Variants in BNC2 observed in about 807,000 individuals in gnomAD.
BNC2 encodes the protein basonuclin zinc finger protein 2.
A neutral mutation model predicts 76.3 loss-of-function variants in BNC2; 20 were observed. The observed-to-expected ratio is 0.26, with a 90% CI of 0.18 to 0.38. The LOEUF (loss-of-function observed/expected upper bound fraction) is 0.38, where lower values mean the gene tolerates loss of function less well. Among genes scored for constraint, BNC2 ranks in the 10% least tolerant of loss-of-function variants. The probability of loss-of-function intolerance (pLI) is 1.00; values close to 1 mark genes in which losing one functional copy is unlikely to be tolerated. For synonymous variants in BNC2, 582 were observed against 514.8 expected, an observed-to-expected ratio of 1.13 and a Z score of -1.77; for missense variants, 1,382 against 1,399.8, an observed-to-expected ratio of 0.99 and a Z score of 0.20.
chr9:16,717,192 C>T (rs1408003519), intron 3 of BNC2, among the ~76,000 whole-genome samples: 1 of 152,138 alleles, frequency 6.6e-6, no homozygotes, highest in Non-Finnish European at 1.5e-5. Context: ...TTTCTTCAAA[C>T]CATTTCTTAC....
intron 3 of BNC2, 148 bp from the exon 4 acceptor site, chr9:16,583,233 A>G: frequency 1.5e-6 from 1 of 681,292 alleles, no homozygotes; most frequent in Non-Finnish European, 2.5e-6. Context: ...TTTAGATATC[A>G]CCAAAATCTC....
intron 1 of BNC2, among the ~76,000 whole-genome samples, chr9:16,750,273 G>A (rs796846197): frequency 2.0e-4 from 30 of 152,264 alleles, no homozygotes; most frequent in African/African-American, 7.2e-4. Context: ...ACCAATACAT[G>A]TACTATACAG....
At chr9:16,749,765 ATTAT>A (rs769401713) in intron 1 of BNC2, among the ~76,000 whole-genome samples, 1 of 152,144 alleles carries the variant, frequency 6.6e-6, no homozygotes, top group Non-Finnish European at 1.5e-5. Context: ...GATGAAAGAT[ATTAT>A]TTAATAAGAC....
intron 5 of BNC2, among the ~76,000 whole-genome samples, chr9:16,486,697 A>C (rs553020201): frequency 2.6e-5 from 4 of 152,292 alleles, no homozygotes; most frequent in South Asian, 2.1e-4. Context: ...GCAAATTATT[A>C]AACTGTAGCA....
chr9:16,828,234 A>C (rs1376904650), intron 1 of BNC2, among the ~76,000 whole-genome samples: 1 of 152,266 alleles, frequency 6.6e-6, no homozygotes, highest in Non-Finnish European at 1.5e-5. Flanking sequence ...GCCCAAAAAA[A>C]AATCACAGGT....
rs375894546 is a variant in BNC2 at position 16,436,777 on chromosome 9, T to A, written c.1417A>T (p.Ile473Phe). Reference sequence around the variant, plus strand: ...CTAAAGACCATGTTGCAACCTTCAATGGTGCATCGATGTTTGATCTTCAGG... The same window carrying A: ...CTAAAGACCATGTTGCAACCTTCAAAGGTGCATCGATGTTTGATCTTCAGG... ...VHLKIKHRCT[I>F]EGCNMVFSSL... is the part of the protein sequence containing the mutation. Residue 473 changes from isoleucine to phenylalanine, a missense_variant, in exon 6 of 7, where the codon ATT becomes TTT. Physicochemically the swap from Ile to Phe is conservative, Grantham distance 21 (BLOSUM62 0). Coordinates refer to ENST00000380672, the MANE Select transcript of BNC2 (RefSeq NM_017637.6). The A allele has an allele frequency of 6.2e-7, 1 of 1,614,202 alleles. No individual in the cohort carries two copies.
chr9:16,686,551 C>A (rs1822984439), intron 3 of BNC2, among the ~76,000 whole-genome samples: 1 of 152,198 alleles, frequency 6.6e-6, no homozygotes, highest in South Asian at 2.1e-4. Context: ...AACTAAGCAT[C>A]ATCTCACCTT....
intron 3 of BNC2, among the ~76,000 whole-genome samples, chr9:16,671,477 C>T (rs1822476042): frequency 6.6e-6 from 1 of 152,176 alleles, no homozygotes; most frequent in African/African-American, 2.4e-5. Context: ...GAGACAATCT[C>T]TGTACAGTGC....
chr9:16,744,011 G>GCTGGAGTGAA (rs1186216480), intron 1 of BNC2, among the ~76,000 whole-genome samples: 25 of 152,020 alleles, frequency 1.6e-4, no homozygotes, highest in Non-Finnish European at 3.2e-4. Flanking sequence ...CTGTCACCCA[G>GCTGGAGTGAA]GCTGGAGTGC....
intron 3 of BNC2, among the ~76,000 whole-genome samples, chr9:16,683,106 GA>G (rs1822872391): frequency 6.6e-6 from 1 of 152,172 alleles, no homozygotes; most frequent in South Asian, 2.1e-4. Context: ...AACCACAGCA[GA>G]AGTCCTTGCA....
At position 16,459,778 on chromosome 9, in the gene BNC2, C is replaced by G. The variant is rs1027190072; in HGVS notation, c.670-22254G>C. Among the ~76,000 whole-genome samples the G allele has an allele frequency of 5.9e-5, 9 of 152,182 alleles. No homozygotes were observed. In the East Asian group the frequency reaches 1.4e-3, roughly 23 times the overall value. ...CTAGTGGAAAGTTGGGGCTTATGCA[C>G]CTTATCAACAAATAAAAAGAAAAAA... On this transcript the variant is annotated intron_variant, in intron 5 of 6. Transcript: ENST00000380672.
rs145583750 is a variant in BNC2, at chr9:16,452,138, G to T, written c.670-14614C>A. Among the ~76,000 whole-genome samples the T allele has an allele frequency of 7.9e-3, 1,210 of 152,264 alleles. 13 individuals carry two copies. Among genetic ancestry groups the T allele is most frequent in the African/African-American group, 0.027 (1,134 of 41,546 alleles). ...ACGCTAGGGGTGAAGAACAAGTTAA[G>T]AATGACAGTTTTTGCAAAATGCATA... On this transcript the variant is annotated intron_variant, in intron 5 of 6. Coordinates refer to ENST00000380672, the MANE Select transcript of BNC2 (RefSeq NM_017637.6).
chr9:16,518,908 C>A (rs972437250), intron 5 of BNC2, among the ~76,000 whole-genome samples: 1 of 152,134 alleles, frequency 6.6e-6, no homozygotes, highest in Non-Finnish European at 1.5e-5. Context: ...GCCCTAAAGT[C>A]ATATTTTAAT....
At chr9:16,779,164 C>G (rs897948954) in intron 1 of BNC2, among the ~76,000 whole-genome samples, 1 of 141,232 alleles carries the variant, frequency 7.1e-6, no homozygotes, top group African/African-American at 2.6e-5. Flanking sequence ...ACCAGCCAAG[C>G]ATGGTGGCGT....
chr9:16,672,719 A>C (rs531198611), intron 3 of BNC2, among the ~76,000 whole-genome samples: 77 of 152,364 alleles, frequency 5.1e-4, no homozygotes, highest in African/African-American at 1.8e-3. Flanking sequence ...AGGTTTTACA[A>C]GAGAGATTAC....
intron 5 of BNC2, among the ~76,000 whole-genome samples, chr9:16,501,693 A>G (rs542634899): frequency 3.9e-5 from 6 of 152,310 alleles, no homozygotes; most frequent in African/African-American, 1.4e-4. Flanking sequence ...AAGGGCCCTA[A>G]AAACTCTCTG....
intron 5 of BNC2, among the ~76,000 whole-genome samples, chr9:16,512,308 A>G (rs1790074894): frequency 6.6e-6 from 1 of 152,204 alleles, no homozygotes; most frequent in South Asian, 2.1e-4. Flanking sequence ...AATTCTGAGC[A>G]ATTTAAAAAG....
chr9:16,771,484 A>G (rs961461913), intron 1 of BNC2, among the ~76,000 whole-genome samples: 4 of 152,208 alleles, frequency 2.6e-5, no homozygotes, highest in Non-Finnish European at 4.4e-5. Context: ...GTTTTAAGAT[A>G]TGTGTTCATT....
Position 16,592,618 on chromosome 9 carries a change from T to C in BNC2, c.331-9533A>G, listed in dbSNP as rs558860243. On this transcript the variant is annotated intron_variant, in intron 3 of 6. Coordinates refer to ENST00000380672, the MANE Select transcript of BNC2 (RefSeq NM_017637.6). ...TGATAACTGAACCTAACCATAAATA[T>C]AGTAAAATACAGTGAGTATTTTAAA... Among the ~76,000 whole-genome samples, 25 of 152,230 alleles carry C rather than the reference T, an allele frequency of 1.6e-4. No homozygotes were observed. In the South Asian group the frequency reaches 5.2e-3, roughly 32 times the overall value.
Sources: gnomAD v4.1 joint callset for allele counts (sites outside exome capture counted in the v4.1 genomes callset) on GRCh38, gnomAD v4.1.1 for gene constraint, MANE v1.5 for transcripts, NCBI Gene and HGNC (gene_info 2026-07-23, HGNC 2026-07-21) for gene names.